The following NBAS variants were observed in gnomAD, a reference collection of about 807,000 sequenced individuals.
NBAS encodes NBAS subunit of NRZ tethering complex, also known as NAG/BC035112 fusion.
NBAS carries 219 observed loss-of-function variants against 302.5 expected under a neutral mutation model. That is an observed-to-expected ratio of 0.72 (90% confidence interval 0.65 to 0.81). The LOEUF is 0.81. Among genes scored for constraint, NBAS ranks in the 30% least tolerant of loss-of-function variants. The probability of loss-of-function intolerance (pLI) is 0.00; values close to 1 mark genes in which losing one functional copy is unlikely to be tolerated. For missense variants in NBAS, 2,932 were observed against 2,841.6 expected (o/e 1.03, Z -0.72); for synonymous variants, 1,118 against 1,021.6 (o/e 1.09, Z -1.80).
chr2:15,475,755 A>T lies in NBAS; in HGVS notation c.1273T>A (p.Ser425Thr). Residue 425 changes from serine to threonine, a missense_variant, in exon 14 of 52, where the codon TCC (serine) becomes ACC (threonine). By Grantham distance (58) the Ser-to-Thr change is moderately conservative. Coordinates refer to ENST00000281513, the MANE Select transcript of NBAS (RefSeq NM_015909.4). ...VKTLKNLLGK[S>T]CEWFEPSPQV... is the part of the protein sequence containing the mutation. ...GGTGATGGTTCAAACCATTCACAGG[A>T]TTTTCCCAGTAAATTCTTCAAAGTT... The T allele has an allele frequency of 6.2e-7, 1 of 1,614,120 alleles. No individual in the cohort carries two copies. The highest frequency in any genetic ancestry group is 8.5e-7 in the Non-Finnish European group (1 of 1,179,986).
At chr2:14,841,559 A>T in the NBAS span, among the ~76,000 whole-genome samples, 4 of 151,986 alleles carry the variant, frequency 2.6e-5, no homozygotes, top group South Asian at 8.3e-4. Context: ...ACTACAAATA[A>T]AAGACTGTAA....
At chr2:15,037,989 G>C in the NBAS span, among the ~76,000 whole-genome samples, 9 of 151,346 alleles carry the variant, frequency 5.9e-5, no homozygotes, top group African/African-American at 1.9e-4. Flanking sequence ...CCTCAAATTG[G>C]ATACACTTCA....
At chr2:15,047,910 A>T in the NBAS span, among the ~76,000 whole-genome samples, 1 of 152,268 alleles carries the variant, frequency 6.6e-6, no homozygotes, top group Admixed American at 6.5e-5. Flanking sequence ...CTGACCTCAA[A>T]GCATTTTGTG....
chr2:14,852,747 G>A, the NBAS span, among the ~76,000 whole-genome samples: 1 of 148,890 alleles, frequency 6.7e-6, no homozygotes, highest in Admixed American at 6.7e-5. Context: ...GAACAAAACA[G>A]AGCCCTCAGA....
chr2:15,056,425 C>T, the NBAS span, among the ~76,000 whole-genome samples: 171 of 152,254 alleles, frequency 1.1e-3, 1 homozygote, highest in African/African-American at 4.1e-3. Flanking sequence ...GCATTTGTAA[C>T]GTTTCTAAAA....
At chr2:15,262,264 A>C (rs1419918469) in intron 44 of NBAS, among the ~76,000 whole-genome samples, 1 of 152,206 alleles carries the variant, frequency 6.6e-6, no homozygotes, top group Admixed American at 6.5e-5. Flanking sequence ...GGTGAAACTA[A>C]CATGACAGAA....
the NBAS span, among the ~76,000 whole-genome samples, chr2:14,848,223 A>G: frequency 6.6e-6 from 1 of 151,258 alleles, no homozygotes; most frequent in African/African-American, 2.5e-5. Context: ...GGGTGCGCGC[A>G]CCATGCGAGA....
chr2:14,818,828 G>A, the NBAS span, among the ~76,000 whole-genome samples: 5 of 152,204 alleles, frequency 3.3e-5, no homozygotes, highest in Non-Finnish European at 7.3e-5. Context: ...TGCTCTCCGG[G>A]TACTGAAGCA....
At chr2:15,477,191 C>T (rs1172453762) in intron 13 of NBAS, among the ~76,000 whole-genome samples, 6 of 152,024 alleles carry the variant, frequency 3.9e-5, no homozygotes, top group South Asian at 2.1e-4. Flanking sequence ...TTATTTAAAG[C>T]GAATAATTCA....
In NBAS at chr2:15,511,264, G is replaced by C; in HGVS notation, c.833C>G (p.Ser278Ter). ...AACCTGCTTATAATACGGTGATCCT[G>C]AAAGAACTCTCCAGGCAGAAAGGCC... is the stretch of plus-strand genomic sequence containing the variant. ...SCGLSAWRVL[S>*]GSPYYKQVTN... The change falls in exon 10 of 52, where the codon TCA becomes TGA. Residue 278 changes from serine to a stop codon, truncating the protein, a stop_gained. Transcript: ENST00000281513. LOFTEE classifies it high-confidence loss of function. 1 of 1,614,092 alleles carries C rather than the reference G, an allele frequency of 6.2e-7. No homozygotes were observed.
At chr2:14,847,765 C>A in the NBAS span, among the ~76,000 whole-genome samples, 1 of 152,190 alleles carries the variant, frequency 6.6e-6, no homozygotes, top group Non-Finnish European at 1.5e-5. Flanking sequence ...ACTTAATCTG[C>A]ACTATACAGC....
At chr2:15,302,015 A>T (rs1285428679) in intron 40 of NBAS, among the ~76,000 whole-genome samples, 1 of 152,178 alleles carries the variant, frequency 6.6e-6, no homozygotes, top group Non-Finnish European at 1.5e-5. Flanking sequence ...TGTTTGGGGG[A>T]AAATACAGAA....
chr2:15,238,385 C>G, intron 45 of NBAS, 83 bp downstream of exon 45: 3 of 1,408,368 alleles, frequency 2.1e-6, no homozygotes, highest in Middle Eastern at 1.8e-4. Flanking sequence ...AAAACCCTGT[C>G]AAAACGACTA....
chr2:15,291,509 T>C (rs1670302160), intron 41 of NBAS, among the ~76,000 whole-genome samples: 1 of 152,192 alleles, frequency 6.6e-6, no homozygotes, highest in Non-Finnish European at 1.5e-5. Flanking sequence ...TAAATACTTC[T>C]CATTTGACCT....
intron 32 of NBAS, among the ~76,000 whole-genome samples, chr2:15,358,992 A>G (rs1191780942): frequency 6.6e-6 from 1 of 152,206 alleles, no homozygotes; most frequent in Non-Finnish European, 1.5e-5. Flanking sequence ...TTATCTGAAT[A>G]AAGCACTGTC....
the NBAS span, among the ~76,000 whole-genome samples, chr2:14,806,007 C>T: frequency 2.6e-5 from 4 of 152,178 alleles, no homozygotes; most frequent in African/African-American, 9.6e-5. Flanking sequence ...CTTATACACC[C>T]TCCACTTCAA....
the NBAS span, among the ~76,000 whole-genome samples, chr2:14,866,984 T>A: frequency 6.6e-6 from 1 of 152,234 alleles, no homozygotes; most frequent in Non-Finnish European, 1.5e-5. Context: ...TATGCCTGAC[T>A]TTTTTAGTCA....
the NBAS span, among the ~76,000 whole-genome samples, chr2:14,973,091 C>T: frequency 2.0e-5 from 3 of 152,156 alleles, no homozygotes; most frequent in East Asian, 1.9e-4. Flanking sequence ...TCTGGTAATA[C>T]TGAGATGTCA....
chr2:14,867,379 A>T, the NBAS span, among the ~76,000 whole-genome samples: 1 of 152,182 alleles, frequency 6.6e-6, no homozygotes, highest in Non-Finnish European at 1.5e-5. Flanking sequence ...AAGGAAGCAC[A>T]GAGTCAGCCT....
Sources: allele counts gnomAD v4.1 joint callset (sites outside exome capture counted in the v4.1 genomes callset), GRCh38; gene constraint gnomAD v4.1.1; transcripts MANE v1.5; gene names NCBI Gene and HGNC (gene_info 2026-07-23, HGNC 2026-07-21).